The following MYO16 variants were observed in gnomAD, a reference collection of about 807,000 sequenced individuals.
MYO16 encodes unconventional myosin-XVI.
Under a neutral mutation model 205.3 loss-of-function variants are expected in MYO16, and 94 were observed. The observed-to-expected ratio is 0.46, with a 90% CI of 0.39 to 0.54. The LOEUF is 0.54. MYO16 is among the 20% of genes least tolerant of loss of function. The pLI is 0.00. For synonymous variants in MYO16, 988 were observed against 954.0 expected, an observed-to-expected ratio of 1.04 and a Z score of -0.66; for missense variants, 2,315 against 2,387.5, an observed-to-expected ratio of 0.97 and a Z score of 0.63.
At chr13:109,166,557 T>G (rs79514946) in intron 33 of MYO16, 115 of 152,292 alleles carry the variant, frequency 7.6e-4, no homozygotes, top group African/African-American at 2.7e-3. Flanking sequence ...GTGAGAAATG[T>G]TAGAGCATCT....
the MYO16 span, among the ~76,000 whole-genome samples, chr13:108,516,671 A>C: frequency 6.6e-6 from 1 of 152,160 alleles, no homozygotes. Context: ...CCTTACTTTC[A>C]TAGCATTTAT....
intron 16 of MYO16, among the ~76,000 whole-genome samples, chr13:108,916,363 C>G (rs973076152): frequency 6.6e-6 from 1 of 152,202 alleles, no homozygotes; most frequent in Admixed American, 6.5e-5. Flanking sequence ...AGATCTGAAT[C>G]CAGGCCCTGC....
chr13:108,966,503 C>T (rs545590549), intron 20 of MYO16, among the ~76,000 whole-genome samples: 3 of 152,200 alleles, frequency 2.0e-5, no homozygotes, highest in South Asian at 2.1e-4. Flanking sequence ...AAACATAAAC[C>T]GTGGAAAACA....
At chr13:108,586,205 A>G in the MYO16 span, among the ~76,000 whole-genome samples, 1 of 152,154 alleles carries the variant, frequency 6.6e-6, no homozygotes, top group African/African-American at 2.4e-5. Context: ...AAAACATACT[A>G]ACTTAAAATA....
intron 1 of MYO16, among the ~76,000 whole-genome samples, chr13:108,598,306 TAGAG>T (rs746357745): frequency 4.3e-5 from 6 of 140,880 alleles, no homozygotes; most frequent in East Asian, 2.3e-4. Context: ...ATTGTAGTGA[TAGAG>T]AGAGAGAGAG....
intron 6 of MYO16, 84 bp downstream of exon 6, chr13:108,793,724 T>A (rs1886695305): frequency 7.4e-7 from 1 of 1,348,650 alleles, no homozygotes; most frequent in African/African-American, 1.7e-5. Flanking sequence ...TAAATTAACC[T>A]TTAAATAATT....
chr13:108,568,480 G>A, the MYO16 span, among the ~76,000 whole-genome samples: 1 of 152,018 alleles, frequency 6.6e-6, no homozygotes, highest in South Asian at 2.1e-4. Flanking sequence ...TTGGCTGTTT[G>A]TATATCTTCT....
intron 16 of MYO16, among the ~76,000 whole-genome samples, chr13:108,916,973 T>G (rs1370007698): frequency 2.0e-5 from 3 of 151,770 alleles, no homozygotes; most frequent in Non-Finnish European, 4.4e-5. Context: ...GGGGGAGTGT[T>G]GAGATGAGGG....
intron 4 of MYO16, among the ~76,000 whole-genome samples, chr13:108,730,407 A>T (rs1014517686): frequency 6.6e-6 from 1 of 152,162 alleles, no homozygotes; most frequent in Non-Finnish European, 1.5e-5. Flanking sequence ...TCTTCATAGC[A>T]GCGTGAGAAC....
chr13:109,085,286 T>C (rs1452515536), intron 27 of MYO16, among the ~76,000 whole-genome samples: 2 of 152,116 alleles, frequency 1.3e-5, no homozygotes, highest in African/African-American at 4.8e-5. Context: ...TTGGAGACTA[T>C]TGATGAGAGT....
intron 2 of MYO16, among the ~76,000 whole-genome samples, chr13:108,691,624 A>G (rs550856103): frequency 4.5e-4 from 69 of 152,216 alleles, no homozygotes; most frequent in African/African-American, 1.6e-3. Context: ...TGCCACCTTG[A>G]ACTCCTGGGC....
At chr13:108,990,147 T>TACACACACACACACAC (rs56975148) in intron 20 of MYO16, among the ~76,000 whole-genome samples, 1 of 148,396 alleles carries the variant, frequency 6.7e-6, no homozygotes, top group Non-Finnish European at 1.5e-5. Context: ...ACACAGACAA[T>TACACACACACACACAC]ACACACACAC....
At chr13:108,641,749 C>A (rs569410841) in intron 1 of MYO16, among the ~76,000 whole-genome samples, 1 of 152,296 alleles carries the variant, frequency 6.6e-6, no homozygotes, top group Non-Finnish European at 1.5e-5. Flanking sequence ...TTTGCTTCAC[C>A]TTTTCCATTC....
intron 4 of MYO16, among the ~76,000 whole-genome samples, chr13:108,739,905 C>A (rs898487597): frequency 1.3e-5 from 2 of 152,180 alleles, no homozygotes; most frequent in African/African-American, 4.8e-5. Context: ...GTCACTGATA[C>A]CCTTTCTTCC....
chr13:108,992,301 A>G, intron 20 of MYO16, 75 bp from the exon 21 acceptor site: 1 of 1,063,128 alleles, frequency 9.4e-7, no homozygotes, highest in Non-Finnish European at 1.4e-6. Flanking sequence ...GATTCTTCTG[A>G]CCTGAATAAT....
chr13:108,779,102 A>G (rs1886217739), intron 4 of MYO16, among the ~76,000 whole-genome samples: 1 of 152,220 alleles, frequency 6.6e-6, no homozygotes, highest in Non-Finnish European at 1.5e-5. Flanking sequence ...AACCACAGGT[A>G]ACAGCTTGAT....
intron 34 of MYO16, among the ~76,000 whole-genome samples, chr13:109,197,854 C>T (rs1372868482): frequency 1.3e-5 from 2 of 152,124 alleles, no homozygotes; most frequent in Non-Finnish European, 2.9e-5. Flanking sequence ...GTAAAATTCA[C>T]AACATTGATG....
At chr13:108,973,864 T>C (rs1173891133) in intron 20 of MYO16, among the ~76,000 whole-genome samples, 1 of 152,198 alleles carries the variant, frequency 6.6e-6, no homozygotes, top group Non-Finnish European at 1.5e-5. Context: ...TGAGACTTGT[T>C]ATCTTTACTT....
At chr13:108,795,496 C>A (rs780087365) in intron 6 of MYO16, among the ~76,000 whole-genome samples, 9 of 152,182 alleles carry the variant, frequency 5.9e-5, no homozygotes, top group Non-Finnish European at 1.2e-4. Context: ...GTGTGAGTTA[C>A]CGCGCCTGGC....
Sources: gnomAD v4.1 joint callset for allele counts (sites outside exome capture counted in the v4.1 genomes callset) on GRCh38, gnomAD v4.1.1 for gene constraint, MANE v1.5 for transcripts, NCBI Gene and HGNC (gene_info 2026-07-23, HGNC 2026-07-21) for gene names.